The following DCDC1 variants were observed in gnomAD, a reference collection of about 807,000 sequenced individuals.
The protein encoded by DCDC1 is doublecortin domain containing 1.
DCDC1 carries 200 observed loss-of-function variants against 178.3 expected under a neutral mutation model. The ratio of observed to expected loss-of-function variants is 1.12; its 90% CI spans 1.00 to 1.26. The LOEUF (loss-of-function observed/expected upper bound fraction) is 1.26. Among genes scored for constraint, DCDC1 ranks in the 50% most tolerant of loss-of-function variants. The pLI, the probability that DCDC1 is intolerant of heterozygous loss-of-function variation, is 0.00. For synonymous variants in DCDC1, 690 were observed against 604.8 expected (o/e 1.14, Z -2.07); for missense variants, 1,983 against 1,749.2 (o/e 1.13, Z -2.38).
At chr11:30,913,286 T>TA (rs1945583971) in intron 27 of DCDC1, among the ~76,000 whole-genome samples, 1 of 152,004 alleles carries the variant, frequency 6.6e-6, no homozygotes, top group Non-Finnish European at 1.5e-5. Context: ...CGGGTGCCTG[T>TA]AGTCCCAGCT....
At chr11:30,971,810 T>C (rs190615118) in intron 20 of DCDC1, among the ~76,000 whole-genome samples, 413 of 152,046 alleles carry the variant, frequency 2.7e-3, no homozygotes, top group Non-Finnish European at 4.7e-3. Flanking sequence ...GGGGTTTCAC[T>C]GTATTAGCCA....
At chr11:31,149,508 C>A (rs992158095) in intron 9 of DCDC1, among the ~76,000 whole-genome samples, 17 of 151,784 alleles carry the variant, frequency 1.1e-4, no homozygotes, top group Admixed American at 3.3e-4. Flanking sequence ...GCAGCAGCAA[C>A]CCGCCCAGCA....
chr11:31,351,548 A>AT (rs1951071427), intron 1 of DCDC1, among the ~76,000 whole-genome samples: 1 of 152,116 alleles, frequency 6.6e-6, no homozygotes, highest in Admixed American at 6.6e-5. Context: ...GGCTCAGAAA[A>AT]GTTTGTAAAT....
chr11:31,088,801 C>A (rs753869920), intron 17 of DCDC1, among the ~76,000 whole-genome samples: 3 of 152,036 alleles, frequency 2.0e-5, no homozygotes, highest in African/African-American at 7.3e-5. Flanking sequence ...ACTATAGCCT[C>A]GACCTCCTGC....
At chr11:30,984,030 G>A (rs1460745710) in intron 20 of DCDC1, among the ~76,000 whole-genome samples, 1 of 152,142 alleles carries the variant, frequency 6.6e-6, no homozygotes, top group Non-Finnish European at 1.5e-5. Flanking sequence ...CCTTACTGCT[G>A]TGAGAAAAGT....
chr11:31,026,868 T>C (rs1953278908), intron 20 of DCDC1, among the ~76,000 whole-genome samples: 1 of 151,822 alleles, frequency 6.6e-6, no homozygotes, highest in Admixed American at 6.6e-5. Flanking sequence ...TTAATTCATT[T>C]GCTATACTTT....
At chr11:31,090,675 C>G (rs1335363795) in intron 17 of DCDC1, among the ~76,000 whole-genome samples, 1 of 152,112 alleles carries the variant, frequency 6.6e-6, no homozygotes, top group Non-Finnish European at 1.5e-5. Flanking sequence ...GAAAACTTCC[C>G]TTCTGTATTT....
chr11:31,276,778 T>A (rs1946028425), intron 7 of DCDC1, among the ~76,000 whole-genome samples: 1 of 152,132 alleles, frequency 6.6e-6, no homozygotes, highest in African/African-American at 2.4e-5. Flanking sequence ...ATCTAGTTAT[T>A]TGCTTGCACT....
chr11:31,032,424 C>T (rs1016810768), intron 20 of DCDC1, among the ~76,000 whole-genome samples: 1 of 151,940 alleles, frequency 6.6e-6, no homozygotes, highest in Non-Finnish European at 1.5e-5. Context: ...AGTTAGACTG[C>T]TATGGAAAGA....
At chr11:31,076,307 A>C (rs1277680533) in intron 18 of DCDC1, among the ~76,000 whole-genome samples, 1 of 152,112 alleles carries the variant, frequency 6.6e-6, no homozygotes, top group African/African-American at 2.4e-5. Flanking sequence ...TCTTTCAATG[A>C]AAATTTTATT....
At chr11:30,950,802 T>C (rs142813911) in intron 21 of DCDC1, among the ~76,000 whole-genome samples, 53 of 152,124 alleles carry the variant, frequency 3.5e-4, no homozygotes, top group African/African-American at 1.1e-3. Flanking sequence ...AGTAGCACGA[T>C]AGAATGACTA....
intron 9 of DCDC1, among the ~76,000 whole-genome samples, chr11:31,237,533 T>A (rs1012301610): frequency 2.0e-5 from 3 of 151,744 alleles, no homozygotes; most frequent in Non-Finnish European, 4.4e-5. Flanking sequence ...TGCAAAAAAA[T>A]TTAAATTTAA....
chr11:31,259,893 A>T lies in DCDC1; in HGVS notation c.1054+5614T>A, dbSNP rs1159563697. Among the ~76,000 whole-genome samples, 3 of 152,154 alleles carry T rather than the reference A, an allele frequency of 2.0e-5. No individual in the cohort carries two copies. In the East Asian group the frequency reaches 5.8e-4, roughly 29 times the overall value. On this transcript the variant is annotated intron_variant, in intron 8 of 38. Coordinates refer to ENST00000684477, the MANE Select transcript of DCDC1 (RefSeq NM_001387274.1). Reference sequence around the variant, plus strand: ...TTTGGCAGCAGTCATGTGGGTCTGAATTATGCCAAACATAGGGTCCTGGAA... The same window carrying T: ...TTTGGCAGCAGTCATGTGGGTCTGATTTATGCCAAACATAGGGTCCTGGAA...
intron 3 of DCDC1, among the ~76,000 whole-genome samples, chr11:31,314,304 T>A (rs1158358821): frequency 6.6e-6 from 1 of 152,230 alleles, no homozygotes; most frequent in South Asian, 2.1e-4. Context: ...TATTACCTCA[T>A]AAGTACACTT....
At chr11:31,065,619 C>T (rs150891043) in intron 18 of DCDC1, among the ~76,000 whole-genome samples, 142 of 152,214 alleles carry the variant, frequency 9.3e-4, no homozygotes, top group Non-Finnish European at 1.9e-3. Context: ...AAGTGTCAGA[C>T]ACAAGGTAGA....
intron 10 of DCDC1, among the ~76,000 whole-genome samples, chr11:31,135,456 T>A (rs1963006258): frequency 6.6e-6 from 1 of 152,218 alleles, no homozygotes; most frequent in South Asian, 2.1e-4. Context: ...ATAACTCACC[T>A]GGCAAGAGAG....
intron 9 of DCDC1, among the ~76,000 whole-genome samples, chr11:31,221,527 C>T (rs1411057938): frequency 6.6e-6 from 1 of 152,196 alleles, no homozygotes; most frequent in East Asian, 1.9e-4. Flanking sequence ...GCCCCATCCA[C>T]ATGGTTCTGG....
chr11:31,022,714 A>G (rs766295307), intron 20 of DCDC1, among the ~76,000 whole-genome samples: 3 of 143,194 alleles, frequency 2.1e-5, no homozygotes, highest in Non-Finnish European at 3.0e-5. Context: ...CTATATGTCT[A>G]TCTACTCTTT....
At chr11:31,005,919 T>G (rs1453425237) in intron 20 of DCDC1, among the ~76,000 whole-genome samples, 1 of 149,636 alleles carries the variant, frequency 6.7e-6, no homozygotes, top group Non-Finnish European at 1.5e-5. Context: ...CCTTTCCTCT[T>G]TGCCTTCCAA....
Sources: gnomAD v4.1 joint callset for allele counts (sites outside exome capture counted in the v4.1 genomes callset) on GRCh38, gnomAD v4.1.1 for gene constraint, MANE v1.5 for transcripts, NCBI Gene and HGNC (gene_info 2026-07-23, HGNC 2026-07-21) for gene names.